The following PTPRO variants were observed in gnomAD, a reference collection of about 807,000 sequenced individuals.
PTPRO encodes the protein receptor-type tyrosine-protein phosphatase O.
Under a neutral mutation model 145.2 loss-of-function variants are expected in PTPRO, and 62 were observed. The ratio of observed to expected loss-of-function variants is 0.43; its 90% CI spans 0.35 to 0.53. The LOEUF is 0.53. PTPRO is among the 20% of genes least tolerant of loss of function. PTPRO has a pLI of 0.01. For synonymous variants in PTPRO, 565 were observed against 514.7 expected (o/e 1.10, Z -1.32); for missense variants, 1,345 against 1,482.7 (o/e 0.91, Z 1.53).
intron 1 of PTPRO, among the ~76,000 whole-genome samples, chr12:15,353,218 C>A (rs1937869197): frequency 6.6e-6 from 1 of 152,170 alleles, no homozygotes; most frequent in Admixed American, 6.5e-5. Context: ...TCATCTACCC[C>A]ACCCTACCCA....
At chr12:15,464,901 A>G (rs1263606442) in intron 1 of PTPRO, among the ~76,000 whole-genome samples, 2 of 152,178 alleles carry the variant, frequency 1.3e-5, no homozygotes, top group African/African-American at 4.8e-5. Flanking sequence ...GTACCATTAA[A>G]ATTTTCTAAT....
intron 1 of PTPRO, among the ~76,000 whole-genome samples, chr12:15,378,548 T>C (rs1938758465): frequency 6.6e-6 from 1 of 152,112 alleles, no homozygotes; most frequent in Admixed American, 6.5e-5. Context: ...AAATTAGTAA[T>C]TTAAGATATT....
chr12:15,500,114 GA>G (rs1264935886), intron 4 of PTPRO, among the ~76,000 whole-genome samples: 1 of 152,020 alleles, frequency 6.6e-6, no homozygotes, highest in East Asian at 1.9e-4. Flanking sequence ...TGGATGGATG[GA>G]TGGATGGAAT....
rs1938849497 is a variant in PTPRO at position 15,381,141 on chromosome 12, T to TAATC, written c.75+58341_75+58344dup. Among the ~76,000 whole-genome samples the TAATC allele has an allele frequency of 3.3e-5, 5 of 152,344 alleles. No homozygotes were observed. The South Asian group carries it at 1.0e-3, about 32-fold the overall frequency. ...AAGTCATCTAGTTTCTACAATTAAT[T>TAATC]AATCGTGTATCCTTACAGTTTATAT... On this transcript the variant is annotated intron_variant, in intron 1 of 26. Transcript: ENST00000281171.
intron 12 of PTPRO, among the ~76,000 whole-genome samples, chr12:15,545,390 G>A (rs922290760): frequency 3.3e-5 from 5 of 151,290 alleles, no homozygotes; most frequent in Non-Finnish European, 7.4e-5. Context: ...CAGGTAACAG[G>A]GACCCCAGCT....
intron 12 of PTPRO, among the ~76,000 whole-genome samples, chr12:15,534,182 T>A (rs1943021737): frequency 6.6e-6 from 1 of 152,130 alleles, no homozygotes; most frequent in African/African-American, 2.4e-5. Flanking sequence ...CCTTTGACAG[T>A]CAGTCATTAC....
Position 15,484,171 on chromosome 12 carries a change from T to C in PTPRO, c.273T>C (p.Leu91=), listed in dbSNP as rs751785005. The C allele has an allele frequency of 2.2e-5, 36 of 1,613,688 alleles. No individual in the cohort carries two copies. The highest frequency in any genetic ancestry group is 2.9e-5 in the Non-Finnish European group (34 of 1,179,730). The part of the protein sequence containing the change: ...PVIFKASYHG[L]YYIITLVVVN... ...TTTTCAAGGCCAGTTATCATGGCCT[T>C]TATTATATAATCACTCTGGTAGTGG... Residue 91 remains leucine, a synonymous_variant, in exon 2 of 27, where the codon CTT becomes CTC. Transcript: ENST00000281171.
At chr12:15,533,265 C>T (rs1017315751) in intron 12 of PTPRO, among the ~76,000 whole-genome samples, 8 of 152,090 alleles carry the variant, frequency 5.3e-5, no homozygotes, top group Admixed American at 1.3e-4. Flanking sequence ...GTTAATGTAA[C>T]CCTTAGGATC....
chr12:15,482,319 A>C lies in PTPRO; in HGVS notation c.76-1655A>C, dbSNP rs1941795852. 2.0e-5 allele frequency among the ~76,000 whole-genome samples: 3 copies of C among 152,114 alleles called. No individual in the cohort carries two copies. The South Asian group carries it at 6.2e-4, about 31-fold the overall frequency. On this transcript the variant is annotated intron_variant, in intron 1 of 26. Transcript: ENST00000281171. ...AGATAAATACCACGTTTTTACTCACAATGCTAAAAAAAACTTGCAAGTTGC... is the reference window on the plus strand; with the variant it reads ...AGATAAATACCACGTTTTTACTCACCATGCTAAAAAAAACTTGCAAGTTGC...
At chr12:15,557,585 C>T (rs1022532760) in intron 16 of PTPRO, 62 bp downstream of exon 16, 3 of 1,456,310 alleles carry the variant, frequency 2.1e-6, no homozygotes, top group African/African-American at 2.8e-5. Flanking sequence ...GCTCCAAAGT[C>T]GATTTTACTA....
intron 19 of PTPRO, 85 bp downstream of exon 19, chr12:15,569,583 C>A: frequency 8.4e-7 from 1 of 1,192,004 alleles, no homozygotes; most frequent in South Asian, 1.2e-5. Context: ...TGTCCCTGCT[C>A]ACTGGCAGTG....
At chr12:15,420,658 T>G (rs886526871) in intron 1 of PTPRO, among the ~76,000 whole-genome samples, 2 of 148,150 alleles carry the variant, frequency 1.3e-5, no homozygotes, top group African/African-American at 2.7e-5. Flanking sequence ...ATAACTATCA[T>G]TATATCACAT....
intron 1 of PTPRO, among the ~76,000 whole-genome samples, chr12:15,420,133 C>T (rs1264798055): frequency 2.8e-5 from 3 of 108,018 alleles, no homozygotes; most frequent in East Asian, 5.3e-4. Context: ...GGCGAAAGAG[C>T]GAGACTCCGA....
At chr12:15,525,042 T>A in intron 11 of PTPRO, 77 bp downstream of exon 11, 1 of 1,531,946 alleles carries the variant, frequency 6.5e-7, no homozygotes, top group Non-Finnish European at 9.0e-7. Context: ...TAAGCAATCA[T>A]TTATTGACAC....
rs1272968702 is a variant in PTPRO at position 15,360,850 on chromosome 12, ATG to A, written c.75+38057_75+38058del. Among the ~76,000 whole-genome samples, 18 of 127,760 alleles carry A rather than the reference ATG, an allele frequency of 1.4e-4. 1 individual carries two copies. The highest frequency in any genetic ancestry group is 4.4e-3 in the Middle Eastern group (1 of 228). 83.8% of individuals were successfully genotyped at this position (127,760 alleles called of 152,430 possible). A position where few individuals can be genotyped will look rare whatever the true frequency, so the allele number is the denominator to read the frequency against. On this transcript the variant is annotated intron_variant, in intron 1 of 26. Coordinates refer to ENST00000281171, the MANE Select transcript of PTPRO (RefSeq NM_030667.3). ...TGTGTATATATATACGTGTGTATAT[ATG>A]TGTGTGTATATATGTGTGTATATAC...
intron 1 of PTPRO, among the ~76,000 whole-genome samples, chr12:15,451,446 AC>A (rs1565637217): frequency 6.6e-6 from 1 of 152,116 alleles, no homozygotes; most frequent in Non-Finnish European, 1.5e-5. Flanking sequence ...TTAAGACAGA[AC>A]GTCAACAAAG....
intron 1 of PTPRO, among the ~76,000 whole-genome samples, chr12:15,477,492 A>G (rs1237633528): frequency 6.6e-6 from 1 of 151,594 alleles, no homozygotes; most frequent in Non-Finnish European, 1.5e-5. Flanking sequence ...CCTAAAACTT[A>G]AAGTATAATT....
At chr12:15,480,993 G>A (rs1565654913) in intron 1 of PTPRO, among the ~76,000 whole-genome samples, 1 of 152,144 alleles carries the variant, frequency 6.6e-6, no homozygotes, top group Non-Finnish European at 1.5e-5. Context: ...GAACTTGCAT[G>A]GCCATAACTG....
chr12:15,365,721 A>G (rs1410117726), intron 1 of PTPRO, among the ~76,000 whole-genome samples: 1 of 152,182 alleles, frequency 6.6e-6, no homozygotes, highest in Non-Finnish European at 1.5e-5. Flanking sequence ...TCTACAAGGA[A>G]AATCCTTTTC....
Sources: allele counts gnomAD v4.1 joint callset (sites outside exome capture counted in the v4.1 genomes callset), GRCh38; gene constraint gnomAD v4.1.1; transcripts MANE v1.5; gene names NCBI Gene and HGNC (gene_info 2026-07-23, HGNC 2026-07-21).